Variants in DMXL2 observed in about 807,000 individuals in gnomAD.
DMXL2 encodes dmX-like protein 2.
In DMXL2, 103 loss-of-function variants were observed where a neutral mutation model predicts 331.1. That is an observed-to-expected ratio of 0.31 (90% CI 0.27 to 0.37). The LOEUF is 0.37. DMXL2 is among the 10% of genes least tolerant of loss of function. DMXL2 has a pLI of 1.00. For synonymous variants in DMXL2, 1,281 were observed against 1,252.1 expected (o/e 1.02, Z -0.49); for missense variants, 3,171 against 3,642.9 (o/e 0.87, Z 3.33).
chr15:51,554,857 T>C (rs983747763), intron 6 of DMXL2, among the ~76,000 whole-genome samples: 9 of 152,132 alleles, frequency 5.9e-5, no homozygotes, highest in African/African-American at 2.2e-4. Flanking sequence ...TCTGACAACA[T>C]TTTAAAAAGA....
At chr15:51,513,158 C>T (rs1426193830) in intron 15 of DMXL2, among the ~76,000 whole-genome samples, 4 of 151,920 alleles carry the variant, frequency 2.6e-5, no homozygotes. Flanking sequence ...AGTGGCATAA[C>T]AAATATCAAA....
At chr15:51,593,435 A>G (rs1330013306) in intron 1 of DMXL2, among the ~76,000 whole-genome samples, 5 of 152,204 alleles carry the variant, frequency 3.3e-5, no homozygotes, top group Non-Finnish European at 7.3e-5. Flanking sequence ...GAGACCTAGA[A>G]AGAGACTTAG....
intron 1 of DMXL2, among the ~76,000 whole-genome samples, chr15:51,621,855 A>C (rs2141481782): frequency 6.6e-6 from 1 of 152,226 alleles, no homozygotes; most frequent in East Asian, 1.9e-4. Context: ...TAACCTTTCC[A>C]TTCTAAATCT....
chr15:51,577,436 T>C (rs1467635564), intron 1 of DMXL2, among the ~76,000 whole-genome samples: 1 of 152,202 alleles, frequency 6.6e-6, no homozygotes, highest in East Asian at 1.9e-4. Flanking sequence ...CCCATGTGTT[T>C]ATAAAAATCA....
intron 1 of DMXL2, among the ~76,000 whole-genome samples, chr15:51,591,781 C>T (rs1187242813): frequency 6.6e-6 from 1 of 152,202 alleles, no homozygotes; most frequent in Non-Finnish European, 1.5e-5. Context: ...TCTGCAGCCT[C>T]AGCTGCTGAT....
chr15:51,463,626 T>G lies in DMXL2; in HGVS notation c.7809-130A>C, dbSNP rs2040314731. On this transcript the variant is annotated intron_variant, in intron 32 of 43. Coordinates refer to ENST00000560891, the MANE Select transcript of DMXL2 (RefSeq NM_001378457.1). ...TTATTTTTAAAACCTTCATAATCTA[T>G]TGCAAAGAAGACACAGCATTAAGCT... 3.5e-5 allele frequency: 20 copies of G among 575,608 alleles called. No individual in the cohort carries two copies. In the South Asian group the frequency reaches 5.5e-4, roughly 16 times the overall value. 35.7% of individuals were successfully genotyped at this position (575,608 alleles called of 1,614,324 possible).
rs1404151867 is a variant in DMXL2 at position 51,621,442 on chromosome 15, A to T, written c.87+1017T>A. Among the ~76,000 whole-genome samples the T allele has an allele frequency of 2.0e-5, 3 of 152,244 alleles. No homozygotes were observed. The East Asian group carries it at 5.8e-4, about 29-fold the overall frequency. On this transcript the variant is annotated intron_variant, in intron 1 of 43. Transcript: ENST00000560891. ...CCATTACGGAATTTCCAGTTTTATC[A>T]AGAAGAACAGTTTACAAAATATATT... is the stretch of plus-strand genomic sequence containing the variant.
At chr15:51,486,804 A>G (rs1292827260) in intron 22 of DMXL2, among the ~76,000 whole-genome samples, 2 of 152,178 alleles carry the variant, frequency 1.3e-5, no homozygotes, top group South Asian at 2.1e-4. Context: ...TGCAACTACC[A>G]GTTCTGAGCA....
intron 27 of DMXL2, among the ~76,000 whole-genome samples, chr15:51,475,978 T>TAGAC (rs2041548655): frequency 6.6e-6 from 1 of 152,198 alleles, no homozygotes; most frequent in African/African-American, 2.4e-5. Context: ...TAGTATTATG[T>TAGAC]TTGCAATTTT....
At position 51,450,279 on chromosome 15, in the gene DMXL2, C is replaced by T. The variant is rs1456234611; in HGVS notation, c.8817G>A (p.Ser2939=). 1.1e-5 allele frequency: 18 copies of T among 1,614,010 alleles called. No homozygotes were observed. Among genetic ancestry groups the T allele is most frequent in the Middle Eastern group, 1.6e-4 (1 of 6,062 alleles). ...TGCAGACGTGTCCTTTCCTACCCCC[C>T]GAGATTAGGAGTTGCTGTTTGGGTG... ...QYAPKQQLLI[S]GGRKGHVCIF... is the part of the protein sequence containing the mutation. The change falls in exon 43 of 44, where the codon TCG becomes TCA. Residue 2939 remains serine (S), a synonymous_variant. Transcript: ENST00000560891.
In DMXL2 at chr15:51,622,644, C is replaced by G. The variant is rs1219752565; in HGVS notation, c.-99G>C. 7.6e-6 allele frequency: 11 copies of G among 1,449,776 alleles called. No homozygotes were observed. The highest frequency in any genetic ancestry group is 9.1e-6 in the Non-Finnish European group (10 of 1,096,624). 89.8% of individuals were successfully genotyped at this position (1,449,776 alleles called of 1,614,324 possible). A position where few individuals can be genotyped will look rare whatever the true frequency, so the allele number is the denominator to read the frequency against. ...GAGCCGTTTCCCTCTGTGCCTCCCT[C>G]GGAAACCCGCCCCGCGGAGGCTCTG... is the stretch of plus-strand genomic sequence containing the variant. On this transcript the variant is annotated 5_prime_UTR_variant, in exon 1 of 44. Coordinates refer to ENST00000560891, the MANE Select transcript of DMXL2 (RefSeq NM_001378457.1).
intron 1 of DMXL2, among the ~76,000 whole-genome samples, chr15:51,617,175 CAA>C (rs2054337812): frequency 6.6e-6 from 1 of 152,030 alleles, no homozygotes; most frequent in African/African-American, 2.4e-5. Context: ...TACCAAGATC[CAA>C]GTTAAGATAA....
chr15:51,593,511 C>G (rs2052555812), intron 1 of DMXL2, among the ~76,000 whole-genome samples: 1 of 152,296 alleles, frequency 6.6e-6, no homozygotes, highest in East Asian at 1.9e-4. Context: ...ATCAACGAGA[C>G]AGAAGGTTAA....
chr15:51,449,679 T>A (rs952253558), intron 43 of DMXL2, among the ~76,000 whole-genome samples: 2 of 152,204 alleles, frequency 1.3e-5, no homozygotes, highest in African/African-American at 4.8e-5. Context: ...AGTATGTTTT[T>A]CAACTTTAAC....
At chr15:51,510,100 A>T (rs900209225) in intron 15 of DMXL2, among the ~76,000 whole-genome samples, 1 of 152,232 alleles carries the variant, frequency 6.6e-6, no homozygotes, top group African/African-American at 2.4e-5. Flanking sequence ...AGCCAATATC[A>T]TGCTGAATGG....
At chr15:51,471,910 G>C (rs902559352) in intron 28 of DMXL2, among the ~76,000 whole-genome samples, 1 of 152,164 alleles carries the variant, frequency 6.6e-6, no homozygotes, top group African/African-American at 2.4e-5. Context: ...CAACAGTCTA[G>C]AGTTAGGTTA....
At position 51,498,900 on chromosome 15, in the gene DMXL2, A is replaced by G; in HGVS notation, c.4324T>C (p.Ser1442Pro). 6.2e-7 allele frequency: 1 copy of G among 1,614,118 alleles called. No homozygotes were observed. Among genetic ancestry groups the G allele is most frequent in the Non-Finnish European group, 8.5e-7 (1 of 1,180,012 alleles). Residue 1442 changes from serine (S) to proline (P), a missense_variant, in exon 18 of 44, where the codon TCC (serine) becomes CCC (proline). Physicochemically the swap from Ser to Pro is moderately conservative, Grantham distance 74. Transcript: ENST00000560891. ...YALLAADQDTSYRISEESTKI... is the reference protein window; with the variant it reads ...YALLAADQDTPYRISEESTKI... ...GTACTTTCTTCTGAAATTCTGTAGG[A>G]TGTATCTTGATCTGCAGCAAGTAAT...
At chr15:51,453,327 G>T in intron 41 of DMXL2, 1 of 381,142 alleles carries the variant, frequency 2.6e-6, no homozygotes, top group Non-Finnish European at 4.6e-6. Flanking sequence ...GTTTAAAAAA[G>T]ACTGAATAGC....
intron 28 of DMXL2, among the ~76,000 whole-genome samples, chr15:51,472,806 C>A (rs549799898): frequency 6.6e-6 from 1 of 152,256 alleles, no homozygotes; most frequent in East Asian, 1.9e-4. Context: ...AGTGAACTAG[C>A]CTCCCTACCA....
Sources: allele counts gnomAD v4.1 joint callset (sites outside exome capture counted in the v4.1 genomes callset), GRCh38; gene constraint gnomAD v4.1.1; transcripts MANE v1.5; gene names NCBI Gene and HGNC (gene_info 2026-07-23, HGNC 2026-07-21).